Variants in SYNPO2 observed in about 807,000 individuals in gnomAD.
SYNPO2 encodes the protein synaptopodin-2.
SYNPO2 carries 56 observed loss-of-function variants against 85.0 expected under a neutral mutation model. The ratio of observed to expected loss-of-function variants is 0.66; its 90% CI spans 0.53 to 0.82. The LOEUF (loss-of-function observed/expected upper bound fraction) is 0.82. Ranked by LOEUF, SYNPO2 falls within the 40% of genes least tolerant of loss-of-function variation. The pLI is 0.00. For missense variants in SYNPO2, 1,575 were observed against 1,534.2 expected (o/e 1.03, Z -0.44); for synonymous variants, 602 against 591.1 (o/e 1.02, Z -0.27).
intron 1 of SYNPO2, among the ~76,000 whole-genome samples, chr4:118,964,722 G>A (rs370091862): frequency 6.6e-5 from 10 of 151,798 alleles, no homozygotes; most frequent in South Asian, 2.1e-4. Flanking sequence ...GAAAGTTTAC[G>A]GTAAAGCCAT....
At chr4:119,023,647 C>CT (rs1737826038) in intron 2 of SYNPO2, 66 bp downstream of exon 2, 2 of 1,532,714 alleles carry the variant, frequency 1.3e-6, no homozygotes, top group Non-Finnish European at 1.8e-6. Flanking sequence ...ATAGCTTTTA[C>CT]TACATATATA....
intron 4 of SYNPO2, among the ~76,000 whole-genome samples, chr4:119,044,854 T>C (rs1036089323): frequency 2.0e-5 from 3 of 152,266 alleles, no homozygotes; most frequent in African/African-American, 7.2e-5. Flanking sequence ...CCTCATCCTG[T>C]ATTCTCCACA....
chr4:118,894,616 T>C (rs1221090672), intron 1 of SYNPO2, among the ~76,000 whole-genome samples: 1 of 149,292 alleles, frequency 6.7e-6, no homozygotes, highest in Non-Finnish European at 1.5e-5. Context: ...GGAAGGAGAG[T>C]AGGAGAAAAG....
intron 1 of SYNPO2, among the ~76,000 whole-genome samples, chr4:118,883,054 C>G (rs1341147779): frequency 6.6e-6 from 1 of 150,916 alleles, no homozygotes; most frequent in Non-Finnish European, 1.5e-5. Context: ...AGCCACCGCG[C>G]CCCGCCTGTT....
At chr4:118,938,783 T>C (rs752592480) in intron 1 of SYNPO2, among the ~76,000 whole-genome samples, 3 of 152,210 alleles carry the variant, frequency 2.0e-5, no homozygotes, top group Non-Finnish European at 4.4e-5. Context: ...CATTGAAAAA[T>C]AAGTCACCAT....
intron 1 of SYNPO2, among the ~76,000 whole-genome samples, chr4:118,922,952 C>A (rs1399308808): frequency 2.6e-5 from 4 of 152,064 alleles, no homozygotes; most frequent in African/African-American, 9.7e-5. Flanking sequence ...ATAAATATAT[C>A]TTTAGTTATA....
Position 119,026,638 on chromosome 4 carries a change from G to C in SYNPO2, c.269G>C (p.Gly90Ala), listed in dbSNP as rs1737954504. 8 of 1,603,846 alleles carry C rather than the reference G, an allele frequency of 5.0e-6. No individual in the cohort carries two copies. The highest frequency in any genetic ancestry group is 5.1e-6 in the Non-Finnish European group (6 of 1,175,108). The change falls in exon 3 of 5, where the codon GGA becomes GCA. Residue 90 changes from glycine (G) to alanine (A), a missense_variant. Transcript: ENST00000307142. ...TTTTCTGTGTGCAGACCATCCAGTG[G>C]AATAAGTGAGGCTTTGATATCTGAA... ...LQMLIKRPSS[G>A]ISEALISENE... is the part of the protein sequence containing the mutation.
At chr4:118,935,984 C>G (rs550856690) in intron 1 of SYNPO2, among the ~76,000 whole-genome samples, 2 of 152,154 alleles carry the variant, frequency 1.3e-5, no homozygotes, top group South Asian at 4.1e-4. Context: ...GGGGAGGAAA[C>G]AGAAGGGGAA....
intron 1 of SYNPO2, among the ~76,000 whole-genome samples, chr4:118,908,437 A>G (rs993050201): frequency 6.6e-6 from 1 of 152,206 alleles, no homozygotes; most frequent in Non-Finnish European, 1.5e-5. Flanking sequence ...TTGGTACTTT[A>G]AAAATTGACT....
intron 1 of SYNPO2, among the ~76,000 whole-genome samples, chr4:118,862,913 C>T (rs564966269): frequency 7.2e-4 from 109 of 151,996 alleles, no homozygotes; most frequent in African/African-American, 2.3e-3. Context: ...TGGGTTCAAG[C>T]GATTCTCCTG....
At chr4:118,976,510 C>T (rs1342168816) in intron 1 of SYNPO2, among the ~76,000 whole-genome samples, 1 of 152,186 alleles carries the variant, frequency 6.6e-6, no homozygotes, top group African/African-American at 2.4e-5. Flanking sequence ...TGCTTTTATT[C>T]TCTTATCTGG....
intron 1 of SYNPO2, among the ~76,000 whole-genome samples, chr4:118,854,534 G>A (rs2110561586): frequency 6.6e-6 from 1 of 152,226 alleles, no homozygotes; most frequent in South Asian, 2.1e-4. Context: ...TCAAGAAACA[G>A]CTGATACTAT....
Position 118,883,759 on chromosome 4 carries a change from A to C in SYNPO2, c.12+32819A>C, listed in dbSNP as rs1578517948. Among the ~76,000 whole-genome samples the C allele has an allele frequency of 2.0e-5, 3 of 152,178 alleles. No homozygotes were observed. The South Asian group carries it at 6.2e-4, about 32-fold the overall frequency. ...TATTCCTAAAACCCAAATAAAATAA[A>C]AGGAGGCGGGCTTATGTGCTCTTTG... is the stretch of plus-strand genomic sequence containing the variant. On this transcript the variant is annotated intron_variant, in intron 1 of 4. Transcript: ENST00000610556.
intron 1 of SYNPO2, among the ~76,000 whole-genome samples, chr4:118,906,260 A>G (rs1035975305): frequency 5.3e-5 from 8 of 151,518 alleles, no homozygotes; most frequent in Non-Finnish European, 1.0e-4. Flanking sequence ...TAGAAGAGTG[A>G]TATATATATA....
intron 4 of SYNPO2, among the ~76,000 whole-genome samples, chr4:119,048,383 G>A (rs1031047694): frequency 6.6e-6 from 1 of 152,186 alleles, no homozygotes; most frequent in African/African-American, 2.4e-5. Context: ...TATTTACTAA[G>A]CACCTACTAT....
chr4:118,949,593 A>AG (rs1272136988), intron 1 of SYNPO2, among the ~76,000 whole-genome samples: 1 of 149,912 alleles, frequency 6.7e-6, no homozygotes, highest in Admixed American at 6.7e-5. Context: ...AAAAAAAAAA[A>AG]CAAAAATTAG....
intron 1 of SYNPO2, among the ~76,000 whole-genome samples, chr4:118,924,867 A>G (rs999933344): frequency 6.6e-6 from 1 of 152,198 alleles, no homozygotes. Flanking sequence ...TCAGTCTCTC[A>G]GTTGCAAAAG....
At chr4:118,929,138 A>T (rs1733835236) in intron 1 of SYNPO2, among the ~76,000 whole-genome samples, 1 of 152,092 alleles carries the variant, frequency 6.6e-6, no homozygotes, top group Admixed American at 6.6e-5. Context: ...AGTAGGAAGG[A>T]TGGAGGAAAG....
At chr4:118,861,951 T>C (rs1041785416) in intron 1 of SYNPO2, among the ~76,000 whole-genome samples, 28 of 152,252 alleles carry the variant, frequency 1.8e-4, no homozygotes, top group African/African-American at 6.5e-4. Flanking sequence ...ATTTTAACAA[T>C]ATTGATTCTT....
Sources: allele counts gnomAD v4.1 joint callset (sites outside exome capture counted in the v4.1 genomes callset), GRCh38; gene constraint gnomAD v4.1.1; transcripts MANE v1.5; gene names NCBI Gene and HGNC (gene_info 2026-07-23, HGNC 2026-07-21).